The following CRMP1 variants were observed in gnomAD, a reference collection of about 807,000 sequenced individuals.
CRMP1 encodes the protein dihydropyrimidinase-related protein 1.
CRMP1 carries 19 observed loss-of-function variants against 68.3 expected under a neutral mutation model. The ratio of observed to expected loss-of-function variants is 0.28; its 90% CI spans 0.19 to 0.41. The LOEUF is 0.41. CRMP1 is among the 10% of genes least tolerant of loss of function. The probability of loss-of-function intolerance (pLI) is 1.00; values close to 1 mark genes in which losing one functional copy is unlikely to be tolerated. For synonymous variants in CRMP1, 439 were observed against 399.6 expected, an observed-to-expected ratio of 1.10 and a Z score of -1.18; for missense variants, 791 against 967.4, an observed-to-expected ratio of 0.82 and a Z score of 2.42.
rs931366669 is a variant in CRMP1 at position 5,861,214 on chromosome 4, G to A, written c.471-4C>T. 1.2e-6 allele frequency: 2 copies of A among 1,612,202 alleles called. No individual in the cohort carries two copies. Among genetic ancestry groups the A allele is most frequent in the African/African-American group, 1.3e-5 (1 of 74,892 alleles). On this transcript the variant is annotated splice_polypyrimidine_tract_variant and splice_region_variant and intron_variant, in intron 2 of 13. Coordinates refer to ENST00000324989, the MANE Select transcript of CRMP1 (RefSeq NM_001014809.3). This position sits in a 1 kb window ranked among gnomAD's most constrained non-coding sequence, Gnocchi z 6.0. ...GATTAAGTTCTCTCCTATTTGTCTGGAGGCAAACAACAGAGACAGCCTTGG... is the reference window on the plus strand; with the variant it reads ...GATTAAGTTCTCTCCTATTTGTCTGAAGGCAAACAACAGAGACAGCCTTGG...
chr4:5,835,500 G>A (rs1398602891), intron 11 of CRMP1, among the ~76,000 whole-genome samples: 1 of 152,206 alleles, frequency 6.6e-6, no homozygotes, highest in Non-Finnish European at 1.5e-5. Flanking sequence ...TCTATTAGCA[G>A]CCAGCCACAA....
rs1713523140 is a variant in CRMP1 at position 5,861,190 on chromosome 4, A to G, written c.491T>C (p.Ile164Thr). 1 of 1,614,000 alleles carries G rather than the reference A, an allele frequency of 6.2e-7. No individual in the cohort carries two copies. The highest frequency in any genetic ancestry group is 1.3e-5 in the African/African-American group (1 of 74,952). ...AATGGTCTTCACTCCACCAGGAACG[A>G]TTAAGTTCTCTCCTATTTGTCTGGA... ...GLIKQIGENL[I>T]VPGGVKTIEA... The change falls in exon 3 of 14, where the codon ATC becomes ACC. Residue 164 changes from isoleucine (I) to threonine (T), a missense_variant. Coordinates refer to ENST00000324989, the MANE Select transcript of CRMP1 (RefSeq NM_001014809.3). The surrounding 1 kb of genome is among the most constrained non-coding windows in gnomAD (Gnocchi z 6.0).
chr4:5,841,164 C>T lies in CRMP1; in HGVS notation c.1153+144G>A, dbSNP rs1359265000. 8.1e-7 allele frequency: 1 copy of T among 1,237,112 alleles called. No homozygotes were observed. Among genetic ancestry groups the T allele is most frequent in the Non-Finnish European group, 1.2e-6 (1 of 865,816 alleles). 76.6% of individuals were successfully genotyped at this position (1,237,112 alleles called of 1,614,324 possible). ...CATTGGGACCAAAGAATTCCAGCCACCATCCTTGTGTCAGGAGCATCCCCG... is the reference window on the plus strand; with the variant it reads ...CATTGGGACCAAAGAATTCCAGCCATCATCCTTGTGTCAGGAGCATCCCCG... On this transcript the variant is annotated intron_variant, in intron 8 of 13. Transcript: ENST00000324989. This position sits in a 1 kb window ranked among gnomAD's most constrained non-coding sequence, Gnocchi z 6.9.
chr4:5,835,852 T>C (rs1720691596), intron 11 of CRMP1, 63 bp downstream of exon 11: 10 of 1,357,762 alleles, frequency 7.4e-6, no homozygotes, highest in Non-Finnish European at 9.6e-6. Context: ...TTTTAACCAG[T>C]CTTTAAAAAT....
chr4:5,875,731 G>A (rs1714766259), intron 1 of CRMP1, among the ~76,000 whole-genome samples: 1 of 90,516 alleles, frequency 1.1e-5, no homozygotes, highest in Admixed American at 9.8e-5. Context: ...TGCTGTCCGC[G>A]GTCCTGAATT....
At position 5,832,694 on chromosome 4, in the gene CRMP1, T is replaced by G. The variant is rs552077897; in HGVS notation, c.1623+3221A>C. Among the ~76,000 whole-genome samples, 3 of 152,338 alleles carry G rather than the reference T, an allele frequency of 2.0e-5. No individual in the cohort carries two copies. The East Asian group carries it at 5.8e-4, about 29-fold the overall frequency. ...ATCCTCAACTGTCCTCTTGCTGCTA[T>G]GAAAAGAATTCAAATCTTGCCTCAC... On this transcript the variant is annotated intron_variant, in intron 11 of 13. Coordinates refer to ENST00000324989, the MANE Select transcript of CRMP1 (RefSeq NM_001014809.3).
chr4:5,887,818 C>G (rs190082342), intron 1 of CRMP1: 7 of 994,840 alleles, frequency 7.0e-6, no homozygotes, highest in African/African-American at 1.7e-5. Flanking sequence ...GTGCATGGGC[C>G]GGACGGTGCG....
chr4:5,842,857 A>G lies in CRMP1; in HGVS notation c.1032+236T>C, dbSNP rs1218039346. Among the ~76,000 whole-genome samples the G allele has an allele frequency of 1.3e-5, 2 of 152,140 alleles. No individual in the cohort carries two copies. Among genetic ancestry groups the G allele is most frequent in the South Asian group, 4.1e-4 (2 of 4,826 alleles). ...AATCCGTATCCACTTGGGACACTGA[A>G]GCACCCACGGGGCCTTGGAGTGAAG... On this transcript the variant is annotated intron_variant, in intron 7 of 13. Coordinates refer to ENST00000324989, the MANE Select transcript of CRMP1 (RefSeq NM_001014809.3). The surrounding 1 kb of genome is among the most constrained non-coding windows in gnomAD (Gnocchi z 4.5).
In CRMP1 at chr4:5,888,005, C is replaced by G. The variant is rs944527262; in HGVS notation, c.381+4584G>C. On this transcript the variant is annotated intron_variant, in intron 1 of 13. Transcript: ENST00000324989. The surrounding 1 kb of genome is among the most constrained non-coding windows in gnomAD (Gnocchi z 6.4). Reference sequence around the variant, plus strand: ...GGCAAGCCCGCGGGGAGAGGGACTCCCGGCTCCAGCCCCGCCCCGCCATGC... The same window carrying G: ...GGCAAGCCCGCGGGGAGAGGGACTCGCGGCTCCAGCCCCGCCCCGCCATGC... Among the ~76,000 whole-genome samples the G allele has an allele frequency of 5.3e-5, 8 of 151,964 alleles. No individual in the cohort carries two copies. The highest frequency in any genetic ancestry group is 1.9e-4 in the African/African-American group (8 of 41,412).
chr4:5,821,984 T>G lies in CRMP1; in HGVS notation c.1970-133A>C, dbSNP rs138735739. On this transcript the variant is annotated intron_variant, in intron 13 of 13. Transcript: ENST00000324989. The surrounding 1 kb of genome is among the most constrained non-coding windows in gnomAD (Gnocchi z 4.4). ...TCAGGGCTCAGTCCAGGACCAGCCATGGGAAGCCTCCCTGGCCTCCACAGA... is the reference window on the plus strand; with the variant it reads ...TCAGGGCTCAGTCCAGGACCAGCCAGGGGAAGCCTCCCTGGCCTCCACAGA... The G allele has an allele frequency of 1.8e-4, 115 of 629,902 alleles. No homozygotes were observed. In the East Asian group the frequency reaches 3.0e-3, roughly 17 times the overall value. 39.0% of individuals were successfully genotyped at this position (629,902 alleles called of 1,614,324 possible).
chr4:5,832,331 A>T (rs1432489275), intron 11 of CRMP1, among the ~76,000 whole-genome samples: 1 of 152,260 alleles, frequency 6.6e-6, no homozygotes, highest in African/African-American at 2.4e-5. Context: ...TTATATCTCG[A>T]TAAGAAACTT....
chr4:5,863,071 C>A (rs147090125), intron 2 of CRMP1, among the ~76,000 whole-genome samples: 38 of 151,770 alleles, frequency 2.5e-4, no homozygotes, highest in Non-Finnish European at 4.7e-4. Context: ...CCTTGGCTTC[C>A]CAAAGTGTGT....
At chr4:5,846,142 A>C (rs1712180028) in intron 6 of CRMP1, among the ~76,000 whole-genome samples, 1 of 152,114 alleles carries the variant, frequency 6.6e-6, no homozygotes, top group South Asian at 2.1e-4. Context: ...CTAAAAATAC[A>C]AAAATTAGCT....
chr4:5,856,341 G>T, intron 3 of CRMP1, 34 bp from the exon 4 acceptor site: 1 of 1,602,718 alleles, frequency 6.2e-7, no homozygotes, highest in South Asian at 1.1e-5. Context: ...TGATGCTTCA[G>T]ACTCAAGTGT....
In CRMP1 at chr4:5,892,875, T is replaced by C; in HGVS notation, c.95A>G (p.Tyr32Cys). 7.1e-7 allele frequency: 1 copy of C among 1,412,600 alleles called. No homozygotes were observed. The allele number at this position is 1,412,600 out of a possible 1,614,324, so 87.5% of individuals were successfully genotyped here. The stretch of plus-strand genomic sequence containing the variant: ...CTCCACCGCGGCGAACATGCCGCCG[T>C]ACTTCTGGCGCGGGGTCTGCGCCGC... Reference protein sequence around the residue: ...GSAAQTPRQKYGGMFAAVEGA... With the variant: ...GSAAQTPRQKCGGMFAAVEGA... The change falls in exon 1 of 14, where the codon TAC becomes TGC. Residue 32 changes from tyrosine (Y) to cysteine (C), a missense_variant. Around this residue, in one of 3 missense-constraint regions of CRMP1, gnomAD observed 193 missense variants for 186.3 expected, o/e 1.04. Coordinates refer to ENST00000324989, the MANE Select transcript of CRMP1 (RefSeq NM_001014809.3). The surrounding 1 kb of genome is among the most constrained non-coding windows in gnomAD (Gnocchi z 8.6).
intron 13 of CRMP1, among the ~76,000 whole-genome samples, chr4:5,823,700 C>T (rs998643194): frequency 2.6e-5 from 4 of 152,258 alleles, no homozygotes; most frequent in African/African-American, 7.2e-5. Flanking sequence ...AGCTCTCCTT[C>T]GCCTTCTGCC....
rs1343952047 is a variant in CRMP1, at chr4:5,854,691, T to C, written c.820+1452A>G. The stretch of plus-strand genomic sequence containing the variant: ...TAAAGAACTGCCATGAAAACCACAA[T>C]GGTGGTGTCTTTCACCCATCGAATC... On this transcript the variant is annotated intron_variant, in intron 4 of 13. Transcript: ENST00000324989. The surrounding 1 kb of genome is among the most constrained non-coding windows in gnomAD (Gnocchi z 4.0). Among the ~76,000 whole-genome samples the C allele has an allele frequency of 3.3e-5, 5 of 152,074 alleles. No homozygotes were observed. Among genetic ancestry groups the C allele is most frequent in the Non-Finnish European group, 7.4e-5 (5 of 68,024 alleles).
At chr4:5,869,681 C>G (rs1317512623) in intron 1 of CRMP1, among the ~76,000 whole-genome samples, 1 of 92,932 alleles carries the variant, frequency 1.1e-5, no homozygotes, top group Non-Finnish European at 2.1e-5. Flanking sequence ...AAGACTCCGT[C>G]AAAAAAAAAA....
intron 6 of CRMP1, among the ~76,000 whole-genome samples, chr4:5,846,066 C>T (rs535195963): frequency 3.4e-4 from 51 of 152,208 alleles, no homozygotes; most frequent in African/African-American, 1.2e-3. Flanking sequence ...GAGGCCGAGG[C>T]GGGCAGATCA....
Sources: gnomAD v4.1 joint callset for allele counts (sites outside exome capture counted in the v4.1 genomes callset) on GRCh38, gnomAD v4.1.1 for gene constraint, gnomAD v4.1.1 regional missense constraint, Gnocchi (gnomAD v3.1) non-coding constraint, MANE v1.5 for transcripts, NCBI Gene and HGNC (gene_info 2026-07-23, HGNC 2026-07-21) for gene names.